Variants in CUL2 observed in about 807,000 individuals in gnomAD.
The protein encoded by CUL2 is cullin-2.
A neutral mutation model predicts 110.2 loss-of-function variants in CUL2; 22 were observed. The ratio of observed to expected loss-of-function variants is 0.20; its 90% confidence interval spans 0.14 to 0.28. The LOEUF (loss-of-function observed/expected upper bound fraction) is 0.28. CUL2 is among the 10% of genes least tolerant of loss of function. The pLI is 1.00. For missense variants in CUL2, 631 were observed against 905.5 expected (o/e 0.70, Z 3.89); for synonymous variants, 279 against 293.2 (o/e 0.95, Z 0.49).
Position 35,071,211 on chromosome 10 carries a change from T to C in CUL2, c.107A>G (p.Asn36Ser). The part of the protein sequence containing the change: ...MLEYVERATW[N>S]DRFSDIYALC... The stretch of plus-strand genomic sequence containing the variant: ...ATTAAAAGGATACGAGAAACGGTCA[T>C]TCCATGTTGCTCTTTCGACGTATTC... Residue 36 changes from asparagine to serine, a missense_variant, in exon 2 of 21, where the codon AAT becomes AGT. This residue lies in a region of CUL2 where 338 missense variants were observed against 442.5 expected (regional missense o/e 0.76). Coordinates refer to ENST00000374749, the MANE Select transcript of CUL2 (RefSeq NM_003591.4). 3 of 1,613,910 alleles carry C rather than the reference T, an allele frequency of 1.9e-6. No individual in the cohort carries two copies. Among genetic ancestry groups the C allele is most frequent in the Non-Finnish European group, 2.5e-6 (3 of 1,179,906 alleles).
At chr10:35,041,053 G>C (rs2085774235) in intron 8 of CUL2, among the ~76,000 whole-genome samples, 2 of 152,152 alleles carry the variant, frequency 1.3e-5, no homozygotes, top group African/African-American at 4.8e-5. Flanking sequence ...CTCAGCCTGA[G>C]GGTCAGGGAC....
intron 17 of CUL2, among the ~76,000 whole-genome samples, chr10:35,021,634 T>G (rs2085190503): frequency 6.6e-6 from 1 of 151,512 alleles, no homozygotes; most frequent in African/African-American, 2.4e-5. Context: ...TATTTTTTAT[T>G]TTCATTTATT....
chr10:35,066,272 T>C (rs2086522697), intron 2 of CUL2, among the ~76,000 whole-genome samples: 1 of 151,644 alleles, frequency 6.6e-6, no homozygotes, highest in Non-Finnish European at 1.5e-5. Context: ...AAAAAAAATA[T>C]ATAATAAAAT....
At chr10:35,096,755 A>G (rs1210509718) in intron 2 of CUL2, among the ~76,000 whole-genome samples, 22 of 152,068 alleles carry the variant, frequency 1.4e-4, no homozygotes, top group Non-Finnish European at 5.9e-5. Flanking sequence ...GTTTGCTGAA[A>G]CTAAATTGCT....
At chr10:35,028,717 C>G (rs1277233827) in intron 16 of CUL2, 93 bp downstream of exon 16, 2 of 788,136 alleles carry the variant, frequency 2.5e-6, no homozygotes, top group Non-Finnish European at 2.1e-6. Flanking sequence ...TCACATGAAC[C>G]CTTAAGACTC....
At chr10:35,118,441 T>C (rs1019503792) in intron 1 of CUL2, 1 of 152,244 alleles carries the variant, frequency 6.6e-6, no homozygotes, top group Admixed American at 6.5e-5. Context: ...ATGAGTGAAC[T>C]GTCCAGCTAT....
chr10:35,043,463 C>T (rs1272029506), intron 8 of CUL2, among the ~76,000 whole-genome samples: 1 of 152,200 alleles, frequency 6.6e-6, no homozygotes, highest in African/African-American at 2.4e-5. Context: ...ACCTCTAGAT[C>T]TGGGCTTTGT....
chr10:35,038,939 A>T lies in CUL2; in HGVS notation c.858T>A (p.Ile286=), dbSNP rs1298257953. 6.3e-7 allele frequency: 1 copy of T among 1,592,634 alleles called. No individual in the cohort carries two copies. The highest frequency in any genetic ancestry group is 1.2e-5 in the South Asian group (1 of 86,572). Residue 286 remains isoleucine (I), a synonymous_variant, in exon 9 of 21, where the codon ATT becomes ATA. Transcript: ENST00000374749. ...QFLHAECHNI[I]RQEKKNDMAN... is the part of the protein sequence containing the mutation. Reference sequence around the variant, plus strand: ...ACTTACCATTTTTTTTCTCTTGTCGAATTATATTATGACATTCTGCATGTA... The same window carrying T: ...ACTTACCATTTTTTTTCTCTTGTCGTATTATATTATGACATTCTGCATGTA...
At chr10:35,124,349 A>C (rs1173709894) in intron 1 of CUL2, among the ~76,000 whole-genome samples, 1 of 152,174 alleles carries the variant, frequency 6.6e-6, no homozygotes, top group Non-Finnish European at 1.5e-5. Flanking sequence ...TCAGAGGCTA[A>C]GGTGGAAGGA....
intron 9 of CUL2, among the ~76,000 whole-genome samples, chr10:35,038,457 C>T (rs985359509): frequency 2.5e-5 from 3 of 118,136 alleles, no homozygotes; most frequent in African/African-American, 9.7e-5. Context: ...ATCTGGGAGG[C>T]GGAGGTTGCA....
At position 35,033,211 on chromosome 10, in the gene CUL2, G is replaced by A. The variant is rs138757291; in HGVS notation, c.1065C>T (p.Asn355=). Residue 355 remains asparagine (N), a synonymous_variant, in exon 11 of 21, where the codon AAC becomes AAT. Coordinates refer to ENST00000374749, the MANE Select transcript of CUL2 (RefSeq NM_003591.4). The part of the protein sequence containing the change: ...EVHGKFVQLI[N]TVLNGDQHFM... ...AATGCTGATCACCATTCAAAACAGT[G>A]TTGATAAGCTGAACAAATTTACCAT... 5.5e-5 allele frequency: 88 copies of A among 1,613,490 alleles called. No homozygotes were observed. Among genetic ancestry groups the A allele is most frequent in the Admixed American group, 3.5e-4 (21 of 59,974 alleles).
At position 35,016,328 on chromosome 10, in the gene CUL2, A is replaced by G. The variant is rs755114827; in HGVS notation, c.1751T>C (p.Val584Ala). The change falls in exon 18 of 21, where the codon GTT (valine) becomes GCT (alanine). Residue 584 changes from valine (V) to alanine (A), a missense_variant. Physicochemically the swap from Val to Ala is moderately conservative, Grantham distance 64. Transcript: ENST00000374749. Reference protein sequence around the residue: ...VAMVTTYQMAVLLAFNNSETV... With the variant: ...VAMVTTYQMAALLAFNNSETV... The stretch of plus-strand genomic sequence containing the variant: ...TTCACTGTTGTTAAAGGCAAGAAGA[A>G]CTGCCATTTGGTATGTTGTAACCAT... 6.2e-7 allele frequency: 1 copy of G among 1,613,982 alleles called. No individual in the cohort carries two copies. Among genetic ancestry groups the G allele is most frequent in the Non-Finnish European group, 8.5e-7 (1 of 1,179,926 alleles).
intron 1 of CUL2, among the ~76,000 whole-genome samples, chr10:35,078,395 G>A (rs1355725756): frequency 6.6e-6 from 1 of 151,044 alleles, no homozygotes; most frequent in Non-Finnish European, 1.5e-5. Flanking sequence ...TCCCAGGTGT[G>A]AGCAATTCTC....
At chr10:35,094,600 T>G (rs1428478280), upstream of CUL2, among the ~76,000 whole-genome samples, 2 of 152,088 alleles carry the variant, frequency 1.3e-5, no homozygotes, top group African/African-American at 2.4e-5. Context: ...CTCATGAAAT[T>G]CCTTCACTCT....
At chr10:35,018,159 C>T (rs2085088076) in intron 17 of CUL2, among the ~76,000 whole-genome samples, 1 of 149,554 alleles carries the variant, frequency 6.7e-6, no homozygotes, top group Admixed American at 6.7e-5. Context: ...CAGTGGCGGA[C>T]ACCTGTAATC....
At chr10:35,071,413 T>TGTTTG in intron 1 of CUL2, 74 bp from the exon 2 acceptor site, 1 of 1,376,020 alleles carries the variant, frequency 7.3e-7, no homozygotes, top group Non-Finnish European at 1.0e-6. Context: ...GTTTTTTGTT[T>TGTTTG]GTTTGCTTTG....
In CUL2 at chr10:35,010,406, T is replaced by C; in HGVS notation, c.2143A>G (p.Ile715Val). The C allele has an allele frequency of 6.2e-7, 1 of 1,612,698 alleles. No homozygotes were observed. Among genetic ancestry groups the C allele is most frequent in the Non-Finnish European group, 8.5e-7 (1 of 1,179,382 alleles). The change falls in exon 21 of 21, where the codon ATC (isoleucine) becomes GTC (valine). Residue 715 changes from isoleucine (I) to valine (V), a missense_variant. Ile to Val is a conservative substitution (Grantham distance 29). This residue lies in a region of CUL2 where 159 missense variants were observed against 202.7 expected (regional missense o/e 0.78). Transcript: ENST00000374749. ...TCAATACACTTCTTAATCATGCTGA[T>C]ACTGGGATTAAACCTAGCTCTTGAC... ...SQSRARFNPS[I>V]SMIKKCIEVL...
intron 1 of CUL2, among the ~76,000 whole-genome samples, chr10:35,085,294 G>C (rs2087033815): frequency 6.6e-6 from 1 of 151,712 alleles, no homozygotes; most frequent in Non-Finnish European, 1.5e-5. Context: ...GCCAGGCATG[G>C]TGGCGGCTGC....
chr10:35,116,108 C>T (rs1219975768), intron 1 of CUL2, among the ~76,000 whole-genome samples: 2 of 152,058 alleles, frequency 1.3e-5, no homozygotes, highest in South Asian at 2.1e-4. Context: ...TTTGGGAGGC[C>T]GAGGTGGGCA....
Sources: gnomAD v4.1 joint callset for allele counts (sites outside exome capture counted in the v4.1 genomes callset) on GRCh38, gnomAD v4.1.1 for gene constraint, gnomAD v4.1.1 regional missense constraint, MANE v1.5 for transcripts, NCBI Gene and HGNC (gene_info 2026-07-23, HGNC 2026-07-21) for gene names.